The following CELF2 variants were observed in gnomAD, a reference collection of about 807,000 sequenced individuals.
CELF2 encodes the protein CUGBP Elav-like family member 2.
A neutral mutation model predicts 62.6 loss-of-function variants in CELF2; 8 were observed. The ratio of observed to expected loss-of-function variants is 0.13; its 90% CI spans 0.07 to 0.23. CELF2 has a LOEUF of 0.23. Among genes scored for constraint, CELF2 ranks in the 10% least tolerant of loss-of-function variants. The pLI is 1.00. For synonymous variants in CELF2, 258 were observed against 250.0 expected (o/e 1.03, Z -0.30); for missense variants, 333 against 671.0 (o/e 0.50, Z 5.56).
intron 1 of CELF2, among the ~76,000 whole-genome samples, chr10:10,801,914 A>C (rs1053049215): frequency 6.6e-6 from 1 of 152,168 alleles, no homozygotes; most frequent in Non-Finnish European, 1.5e-5. Flanking sequence ...AAATCGCTCC[A>C]TCCTTGTTCC....
At chr10:10,671,599 G>A in the CELF2 span, among the ~76,000 whole-genome samples, 2 of 152,188 alleles carry the variant, frequency 1.3e-5, no homozygotes, top group Non-Finnish European at 2.9e-5. Context: ...AGCATTTGGT[G>A]TGGTCAATAT....
At chr10:10,524,479 G>C in the CELF2 span, among the ~76,000 whole-genome samples, 1 of 151,080 alleles carries the variant, frequency 6.6e-6, no homozygotes, top group African/African-American at 2.4e-5. Flanking sequence ...ATTGAGTTAT[G>C]GGGACTGTGG....
At chr10:10,533,359 G>A in the CELF2 span, among the ~76,000 whole-genome samples, 1 of 152,170 alleles carries the variant, frequency 6.6e-6, no homozygotes, top group African/African-American at 2.4e-5. Context: ...TTAGAAGAAC[G>A]AGAGTACAAT....
rs2072283055 is a variant in CELF2 at position 11,178,995 on chromosome 10, GGAACA to G, written c.271+13314_271+13318del. ...TCTGGCCACTTCCTCCACACCCCCA[GGAACA>G]TTGCCCCCATTTCACAGAAAAGGAG... On this transcript the variant is annotated intron_variant, in intron 2 of 12. Coordinates refer to ENST00000633077, the MANE Select transcript of CELF2 (RefSeq NM_001326342.2). This position sits in a 1 kb window ranked among gnomAD's most constrained non-coding sequence, Gnocchi z 4.3. Among the ~76,000 whole-genome samples the G allele has an allele frequency of 1.3e-5, 2 of 152,152 alleles. No individual in the cohort carries two copies.
At chr10:10,489,971 T>A in the CELF2 span, among the ~76,000 whole-genome samples, 1 of 152,132 alleles carries the variant, frequency 6.6e-6, no homozygotes, top group Non-Finnish European at 1.5e-5. Flanking sequence ...TTACAGAGAT[T>A]CAGATGTCAG....
At chr10:11,174,078 G>T (rs2070046258) in intron 2 of CELF2, among the ~76,000 whole-genome samples, 1 of 152,162 alleles carries the variant, frequency 6.6e-6, no homozygotes, top group Non-Finnish European at 1.5e-5. Context: ...GAAATTTGTA[G>T]TGAACTAGAG....
chr10:11,112,801 G>A (rs918238118), intron 1 of CELF2, among the ~76,000 whole-genome samples: 4 of 152,244 alleles, frequency 2.6e-5, no homozygotes, highest in Non-Finnish European at 5.9e-5. Context: ...CTTTGAAACG[G>A]AACCATGAGT....
chr10:10,837,823 T>C lies in CELF2; in HGVS notation c.53+39006T>C, dbSNP rs371869366. ...TTTGTTTTGCTTTTAGTAGACTTTTTTTTTCCACTTTAGTTATAGATTTAC... is the reference window on the plus strand; with the variant it reads ...TTTGTTTTGCTTTTAGTAGACTTTTCTTTTCCACTTTAGTTATAGATTTAC... On this transcript the variant is annotated intron_variant, in intron 1 of 13. Transcript: ENST00000636488. 1.1e-3 allele frequency among the ~76,000 whole-genome samples: 172 copies of C among 152,328 alleles called. 1 individual carries two copies. Among genetic ancestry groups the C allele is most frequent in the Middle Eastern group, 3.4e-3 (1 of 294 alleles).
the CELF2 span, among the ~76,000 whole-genome samples, chr10:10,501,305 G>T: frequency 1.3e-5 from 2 of 152,086 alleles, no homozygotes; most frequent in African/African-American, 4.8e-5. Flanking sequence ...TTTCTGATAG[G>T]GTCTGTAATG....
At chr10:10,561,347 T>G in the CELF2 span, among the ~76,000 whole-genome samples, 1 of 152,192 alleles carries the variant, frequency 6.6e-6, no homozygotes, top group Non-Finnish European at 1.5e-5. Context: ...GGGCTGGGCT[T>G]AAGCTCCTAT....
chr10:10,884,434 CA>C (rs1378834111), intron 1 of CELF2, among the ~76,000 whole-genome samples: 1 of 152,142 alleles, frequency 6.6e-6, no homozygotes, highest in East Asian at 1.9e-4. Context: ...TTTTAAATGT[CA>C]AAGGTCAAAG....
rs970087749 is a variant in CELF2 at position 11,305,007 on chromosome 10, G to C, written c.977-9132G>C. On this transcript the variant is annotated intron_variant, in intron 9 of 12. Transcript: ENST00000633077. This position sits in a 1 kb window ranked among gnomAD's most constrained non-coding sequence, Gnocchi z 4.8. ...GCTGTTTGAACAGAGAGAGAAGAGA[G>C]AACGGGAATGCCTTTGTCAAACACG... 6.6e-6 allele frequency among the ~76,000 whole-genome samples: 1 copy of C among 152,168 alleles called. No individual in the cohort carries two copies. The highest frequency in any genetic ancestry group is 2.4e-5 in the African/African-American group (1 of 41,452).
rs111890485 is a variant in CELF2 at position 10,939,277 on chromosome 10, G to T, written c.89+19278G>T. ...AATTAGCAAGTTCTTTTGTTTTGTG[G>T]TGTTGTTGTTGTTGTTGTTGTTGTT... On this transcript the variant is annotated intron_variant, in intron 2 of 13. Transcript: ENST00000636488. 2.0e-3 allele frequency among the ~76,000 whole-genome samples: 287 copies of T among 144,314 alleles called. 3 individuals carry two copies. The highest frequency in any genetic ancestry group is 0.011 in the East Asian group (55 of 4,826). 94.7% of individuals were successfully genotyped at this position (144,314 alleles called of 152,430 possible).
intron 1 of CELF2, chr10:10,846,147 G>A (rs1286143565): frequency 1.0e-6 from 1 of 983,056 alleles, no homozygotes; most frequent in Non-Finnish European, 1.2e-6. Context: ...TGGGAACCTC[G>A]CTATTCACAG....
rs910534247 is a variant in CELF2 at position 11,247,387 on chromosome 10, A to C, written c.355-1766A>C. On this transcript the variant is annotated intron_variant, in intron 3 of 12. Transcript: ENST00000633077. The surrounding 1 kb of genome is among the most constrained non-coding windows in gnomAD (Gnocchi z 5.4). Reference sequence around the variant, plus strand: ...TGCGGGGCTGCCCCGTGAGTTTCACATGCCGGCCCCCCTTCAGTGCTCGCA... The same window carrying C: ...TGCGGGGCTGCCCCGTGAGTTTCACCTGCCGGCCCCCCTTCAGTGCTCGCA... Among the ~76,000 whole-genome samples the C allele has an allele frequency of 1.3e-5, 2 of 152,158 alleles. No homozygotes were observed. Among genetic ancestry groups the C allele is most frequent in the Non-Finnish European group, 2.9e-5 (2 of 68,036 alleles).
chr10:10,528,498 T>A, the CELF2 span, among the ~76,000 whole-genome samples: 16 of 152,320 alleles, frequency 1.1e-4, no homozygotes, highest in Admixed American at 1.0e-3. Flanking sequence ...GACATTAATA[T>A]GTTAATCTAC....
At position 11,243,167 on chromosome 10, in the gene CELF2, A is replaced by G. The variant is rs2074513360; in HGVS notation, c.355-5986A>G. Reference sequence around the variant, plus strand: ...CGCTGATTCTTAGTACACAGCAGCAACAGAGCTTCAGCAGATGCCTTCTTG... The same window carrying G: ...CGCTGATTCTTAGTACACAGCAGCAGCAGAGCTTCAGCAGATGCCTTCTTG... On this transcript the variant is annotated intron_variant, in intron 3 of 12. Transcript: ENST00000633077. This position sits in a 1 kb window ranked among gnomAD's most constrained non-coding sequence, Gnocchi z 4.1. 6.6e-6 allele frequency among the ~76,000 whole-genome samples: 1 copy of G among 152,082 alleles called. No individual in the cohort carries two copies. The highest frequency in any genetic ancestry group is 6.5e-5 in the Admixed American group (1 of 15,272).
chr10:11,196,706 C>A (rs183398159), intron 2 of CELF2, among the ~76,000 whole-genome samples: 1 of 151,672 alleles, frequency 6.6e-6, no homozygotes, highest in African/African-American at 2.4e-5. Flanking sequence ...ACCTGTAATC[C>A]CAGCACTTTG....
intron 1 of CELF2, among the ~76,000 whole-genome samples, chr10:10,885,432 A>C (rs1480318754): frequency 6.6e-6 from 1 of 151,666 alleles, no homozygotes; most frequent in Admixed American, 6.6e-5. Context: ...TCTAGGCTCC[A>C]GATTAGCAGG....
Sources: gnomAD v4.1 joint callset for allele counts (sites outside exome capture counted in the v4.1 genomes callset) on GRCh38, gnomAD v4.1.1 for gene constraint, Gnocchi (gnomAD v3.1) non-coding constraint, MANE v1.5 for transcripts, NCBI Gene and HGNC (gene_info 2026-07-23, HGNC 2026-07-21) for gene names.